CCSER1: variants seen among roughly 807,000 people sequenced by gnomAD.
CCSER1 encodes the protein coiled-coil serine rich protein 1.
A neutral mutation model predicts 82.0 loss-of-function variants in CCSER1; 41 were observed. The observed-to-expected ratio is 0.50, with a 90% CI of 0.39 to 0.65. The LOEUF is 0.65. Ranked by LOEUF, CCSER1 falls within the 30% of genes least tolerant of loss-of-function variation. The pLI is 0.00. For missense variants in CCSER1, 1,119 were observed against 1,064.2 expected, an observed-to-expected ratio of 1.05 and a Z score of -0.72; for synonymous variants, 414 against 383.9, an observed-to-expected ratio of 1.08 and a Z score of -0.92.
At chr4:91,025,419 C>CTGTGCTGGCACTTTTAGATGA in intron 9 of CCSER1, among the ~76,000 whole-genome samples, 1 of 152,224 alleles carries the variant, frequency 6.6e-6, no homozygotes, top group Non-Finnish European at 1.5e-5. Context: ...TCTCCAGTTT[C>CTGTGCTGGCACTTTTAGATGA]TGTGCTGGCA....
At chr4:91,182,156 G>A (rs1407747262) in intron 10 of CCSER1, among the ~76,000 whole-genome samples, 2 of 152,162 alleles carry the variant, frequency 1.3e-5, no homozygotes, top group Non-Finnish European at 2.9e-5. Flanking sequence ...CTCAGTGTCA[G>A]TCTCAACATG....
intron 8 of CCSER1, among the ~76,000 whole-genome samples, chr4:90,816,671 A>G (rs1759062646): frequency 6.6e-6 from 1 of 152,076 alleles, no homozygotes; most frequent in African/African-American, 2.4e-5. Context: ...AATAAGAGAG[A>G]CCCTGACTCA....
intron 4 of CCSER1, among the ~76,000 whole-genome samples, chr4:90,405,352 G>A (rs1353502982): frequency 6.6e-6 from 1 of 152,120 alleles, no homozygotes; most frequent in African/African-American, 2.4e-5. Flanking sequence ...CCTCCAAGAA[G>A]TTTGGCACTG....
chr4:90,190,129 A>G (rs1002404126), intron 1 of CCSER1, among the ~76,000 whole-genome samples: 19 of 152,044 alleles, frequency 1.2e-4, no homozygotes, highest in African/African-American at 4.6e-4. Flanking sequence ...TGGTCGAGAA[A>G]CTGAAGTACA....
chr4:91,165,920 A>G (rs1191350406), intron 10 of CCSER1, among the ~76,000 whole-genome samples: 1 of 152,078 alleles, frequency 6.6e-6, no homozygotes, highest in Non-Finnish European at 1.5e-5. Context: ...GCTTTGGCTC[A>G]CCCTCCATGG....
At chr4:91,157,718 A>G (rs1202835214) in intron 10 of CCSER1, among the ~76,000 whole-genome samples, 2 of 151,964 alleles carry the variant, frequency 1.3e-5, no homozygotes, top group South Asian at 4.2e-4. Context: ...TGCAAATGAA[A>G]TGTCAAACCT....
chr4:91,147,355 T>G (rs887494849), intron 10 of CCSER1, among the ~76,000 whole-genome samples: 2 of 152,198 alleles, frequency 1.3e-5, no homozygotes, highest in African/African-American at 4.8e-5. Flanking sequence ...AGCTACGTTT[T>G]TCCACAGACT....
chr4:90,414,048 A>AGAAAT (rs1755431271), intron 4 of CCSER1, among the ~76,000 whole-genome samples: 1 of 144,156 alleles, frequency 6.9e-6, no homozygotes, highest in Non-Finnish European at 1.5e-5. Context: ...AAATAATGAT[A>AGAAAT]GAAATAAAAT....
intron 10 of CCSER1, among the ~76,000 whole-genome samples, chr4:91,490,641 A>AGT (rs1758467611): frequency 6.6e-6 from 1 of 151,428 alleles, no homozygotes; most frequent in African/African-American, 2.4e-5. Context: ...GTACAAAAAT[A>AGT]TAGTTAGGTA....
chr4:91,156,752 A>G lies in CCSER1; in HGVS notation c.2217+70758A>G, dbSNP rs113467664. Among the ~76,000 whole-genome samples, 11 of 151,880 alleles carry G rather than the reference A, an allele frequency of 7.2e-5. No homozygotes were observed. The East Asian group carries it at 1.7e-3, about 24-fold the overall frequency. On this transcript the variant is annotated intron_variant, in intron 10 of 10. Transcript: ENST00000509176. Reference sequence around the variant, plus strand: ...TGTTTTCTGTCTTCTCTCCTTTTAAATGCCAGACACCTTCCTTCTCTTGTC... The same window carrying G: ...TGTTTTCTGTCTTCTCTCCTTTTAAGTGCCAGACACCTTCCTTCTCTTGTC...
intron 10 of CCSER1, among the ~76,000 whole-genome samples, chr4:91,139,722 A>G (rs1481025890): frequency 6.6e-6 from 1 of 152,212 alleles, no homozygotes; most frequent in Non-Finnish European, 1.5e-5. Flanking sequence ...AGAAAATTAA[A>G]TTTTGGAAAT....
At chr4:91,180,093 TG>T (rs1409715258) in intron 10 of CCSER1, among the ~76,000 whole-genome samples, 1 of 152,192 alleles carries the variant, frequency 6.6e-6, no homozygotes, top group Non-Finnish European at 1.5e-5. Context: ...CCTCTTTGCC[TG>T]GGTATCACCA....
Position 90,933,317 on chromosome 4 carries a change from A to C in CCSER1, c.2172+9870A>C, listed in dbSNP as rs1355278697. On this transcript the variant is annotated intron_variant, in intron 9 of 10. Transcript: ENST00000509176. ...ATTCTCCTGCCTCAGCCTCCTGAGT[A>C]GCTGGGACTACAGGCGCCCGCCACC... Among the ~76,000 whole-genome samples, 8 of 151,372 alleles carry C rather than the reference A, an allele frequency of 5.3e-5. 1 individual carries two copies. The highest frequency in any genetic ancestry group is 1.2e-4 in the Non-Finnish European group (8 of 67,802).
At chr4:90,194,035 G>A (rs1431362706) in intron 1 of CCSER1, among the ~76,000 whole-genome samples, 2 of 152,046 alleles carry the variant, frequency 1.3e-5, no homozygotes, top group Non-Finnish European at 2.9e-5. Context: ...ATATGTTGAT[G>A]TATTAATTTG....
At chr4:91,292,505 G>A (rs946871804) in intron 10 of CCSER1, among the ~76,000 whole-genome samples, 5 of 151,876 alleles carry the variant, frequency 3.3e-5, no homozygotes, top group African/African-American at 1.2e-4. Context: ...TTTGTGAAAT[G>A]AGGTAAATAT....
At chr4:91,493,155 T>G (rs1474012084) in intron 10 of CCSER1, among the ~76,000 whole-genome samples, 2 of 151,058 alleles carry the variant, frequency 1.3e-5, no homozygotes, top group Non-Finnish European at 2.9e-5. Flanking sequence ...GTGAGTCTTA[T>G]TTGAGTCATT....
At chr4:90,740,849 T>C (rs1746436041) in intron 7 of CCSER1, among the ~76,000 whole-genome samples, 1 of 152,182 alleles carries the variant, frequency 6.6e-6, no homozygotes, top group South Asian at 2.1e-4. Context: ...TATTGGGTCA[T>C]AGTCTGTTTT....
At chr4:90,203,267 A>G (rs915361547) in intron 1 of CCSER1, among the ~76,000 whole-genome samples, 4 of 152,178 alleles carry the variant, frequency 2.6e-5, no homozygotes, top group Non-Finnish European at 5.9e-5. Context: ...TTACATAAGT[A>G]TACATGTGCC....
intron 7 of CCSER1, among the ~76,000 whole-genome samples, chr4:90,757,541 C>T (rs1296178292): frequency 6.6e-6 from 1 of 152,176 alleles, no homozygotes; most frequent in Non-Finnish European, 1.5e-5. Context: ...AAAGCAATGG[C>T]CTCCTATAAA....
Sources: gnomAD v4.1 joint callset for allele counts (sites outside exome capture counted in the v4.1 genomes callset) on GRCh38, gnomAD v4.1.1 for gene constraint, MANE v1.5 for transcripts, NCBI Gene and HGNC (gene_info 2026-07-23, HGNC 2026-07-21) for gene names.